The following ZNF605 variants were observed in gnomAD, a reference collection of about 807,000 sequenced individuals.
ZNF605 encodes zinc finger protein 605.
Under a neutral mutation model 7.9 loss-of-function variants are expected in ZNF605, and 9 were observed. The observed-to-expected ratio is 1.14, with a 90% CI of 0.68 to 1.98. ZNF605 has a LOEUF of 1.98. Among genes scored for constraint, ZNF605 ranks in the 30% most tolerant of loss-of-function variants. The pLI is 0.00. For missense variants in ZNF605, 673 were observed against 762.4 expected (o/e 0.88, Z 1.38); for synonymous variants, 255 against 260.1 (o/e 0.98, Z 0.19).
rs1313973135 is a variant in ZNF605, at chr12:132,924,677, C to G, written c.*696G>C. 1 of 152,240 alleles carries G rather than the reference C, an allele frequency of 6.6e-6. No individual in the cohort carries two copies. The highest frequency in any genetic ancestry group is 2.4e-5 in the African/African-American group (1 of 41,452). The allele number at this position is 152,240 out of a possible 1,614,324, so 9.4% of individuals were successfully genotyped here. A position where few individuals can be genotyped will look rare whatever the true frequency, so the allele number is the denominator to read the frequency against. ...GTGCTCACCTCACTCTGTCTGCAGT[C>G]TCCTGAGGATCACAAACCTGTGCTT... On this transcript the variant is annotated 3_prime_UTR_variant, in exon 5 of 5. Transcript: ENST00000360187.
In ZNF605 at chr12:132,920,167, C is replaced by CCT; in HGVS notation, c.*5204_*5205dup. On this transcript the variant is annotated 3_prime_UTR_variant, in exon 5 of 5. Transcript: ENST00000360187. ...ATTTATTTATTTTTTTGAGACAGAG[C>CCT]CTCGCTCTATCACCCAGGCTGGAGT... 7.7e-6 allele frequency: 1 copy of CCT among 130,024 alleles called. No homozygotes were observed. 8.1% of individuals were successfully genotyped at this position (130,024 alleles called of 1,614,324 possible).
Position 132,926,632 on chromosome 12 carries a change from T to G in ZNF605, c.667A>C (p.Lys223Gln). 1 of 1,614,172 alleles carries G rather than the reference T, an allele frequency of 6.2e-7. No individual in the cohort carries two copies. ...TVHQRTHSGE[K>Q]PHGCSECQKA... ...TGACATTCGCTGCACCCATGCGGTT[T>G]TTCTCCTGAGTGAGTTCTTTGATGA... The change falls in exon 5 of 5, where the codon AAA becomes CAA. Residue 223 changes from lysine (K) to glutamine (Q), a missense_variant. Lys to Gln is a moderately conservative substitution (Grantham distance 53, BLOSUM62 1). Coordinates refer to ENST00000360187, the MANE Select transcript of ZNF605 (RefSeq NM_183238.4).
chr12:132,950,448 C>T (rs1215228278), intron 1 of ZNF605, among the ~76,000 whole-genome samples: 1 of 143,520 alleles, frequency 7.0e-6, no homozygotes, highest in Non-Finnish European at 1.5e-5. Context: ...TGCAGACGTG[C>T]ACAGACGCAC....
chr12:132,925,592 A>T lies in ZNF605; in HGVS notation c.1707T>A (p.Ala569=). 6.2e-7 allele frequency: 1 copy of T among 1,614,106 alleles called. No individual in the cohort carries two copies. Among genetic ancestry groups the T allele is most frequent in the Non-Finnish European group, 8.5e-7 (1 of 1,180,028 alleles). The change falls in exon 5 of 5, where the codon GCT becomes GCA. Residue 569 remains alanine, a synonymous_variant. Transcript: ENST00000360187. ...KTYGCSDCAK[A]FFEKAQLIIH... ...TAATCAGCTGTGCCTTCTCAAAGAAAGCTTTTGCACAATCGCTGCATCCAT... is the reference window on the plus strand; with the variant it reads ...TAATCAGCTGTGCCTTCTCAAAGAATGCTTTTGCACAATCGCTGCATCCAT...
chr12:132,954,477 G>A (rs1346213351), intron 1 of ZNF605, among the ~76,000 whole-genome samples: 1 of 138,966 alleles, frequency 7.2e-6, no homozygotes, highest in Non-Finnish European at 1.6e-5. Context: ...GGAGGAGAAG[G>A]GGCTTCTGTC....
rs1952234968 is a variant in ZNF605, at chr12:132,925,245, ACTC to A, written c.*125_*127del. ...TCTAAATTCTGCTTAGTGACTCTTG[ACTC>A]CTCAATTCAAGCTTTTTCAACAGTC... On this transcript the variant is annotated 3_prime_UTR_variant, in exon 5 of 5. Coordinates refer to ENST00000360187, the MANE Select transcript of ZNF605 (RefSeq NM_183238.4). The A allele has an allele frequency of 7.6e-6, 5 of 655,832 alleles. No homozygotes were observed. The highest frequency in any genetic ancestry group is 1.8e-5 in the African/African-American group (1 of 54,374). The allele number at this position is 655,832 out of a possible 1,614,324, so 40.6% of individuals were successfully genotyped here.
chr12:132,932,447 TG>T (rs1952317288), intron 4 of ZNF605, among the ~76,000 whole-genome samples: 2 of 152,050 alleles, frequency 1.3e-5, no homozygotes, highest in South Asian at 4.1e-4. Flanking sequence ...ACTAAGAAAG[TG>T]GGGTTGTAAA....
At chr12:132,931,155 G>A (rs1466591619) in intron 4 of ZNF605, among the ~76,000 whole-genome samples, 1 of 152,186 alleles carries the variant, frequency 6.6e-6, no homozygotes, top group African/African-American at 2.4e-5. Flanking sequence ...ACTCCAACCT[G>A]CGTGACAAAG....
At chr12:132,947,916 G>T (rs1952510901) in intron 2 of ZNF605, among the ~76,000 whole-genome samples, 8 of 152,036 alleles carry the variant, frequency 5.3e-5, no homozygotes, top group Admixed American at 5.2e-4. Context: ...AGGGACTGGG[G>T]TCTGCCTCAG....
At chr12:132,945,882 ATTAT>A (rs1952490221) in intron 2 of ZNF605, 85 bp from the exon 3 acceptor site, 1 of 623,052 alleles carries the variant, frequency 1.6e-6, no homozygotes, top group South Asian at 2.0e-5. Flanking sequence ...GGGAGCTCAG[ATTAT>A]TTAAAGTCTC....
intron 1 of ZNF605, among the ~76,000 whole-genome samples, chr12:132,949,857 C>T (rs1952539114): frequency 4.6e-5 from 7 of 152,170 alleles, no homozygotes. Flanking sequence ...GCGCAGGCTT[C>T]GCCCGTTCGC....
chr12:132,926,861 A>C lies in ZNF605; in HGVS notation c.438T>G (p.Ser146Arg), dbSNP rs1952253265. The C allele has an allele frequency of 1.2e-6, 2 of 1,614,086 alleles. No homozygotes were observed. ...THGGIKYCDC[S>R]TCRKSSNEEP... ...CTTCGTTGCTGGATTTTCTACATGTACTGCAATCACAGTATTTTATCCCAC... is the reference window on the plus strand; with the variant it reads ...CTTCGTTGCTGGATTTTCTACATGTCCTGCAATCACAGTATTTTATCCCAC... The change falls in exon 5 of 5, where the codon AGT becomes AGG. Residue 146 changes from serine to arginine, a missense_variant. Coordinates refer to ENST00000360187, the MANE Select transcript of ZNF605 (RefSeq NM_183238.4).
At chr12:132,952,351 CTGG>C (rs1393253244) in intron 1 of ZNF605, among the ~76,000 whole-genome samples, 1 of 150,102 alleles carries the variant, frequency 6.7e-6, no homozygotes, top group Non-Finnish European at 1.5e-5. Flanking sequence ...ATCCCAGCTA[CTGG>C]GGGCGTTGAG....
chr12:132,952,151 C>T (rs907761524), intron 1 of ZNF605, among the ~76,000 whole-genome samples: 19 of 151,854 alleles, frequency 1.3e-4, no homozygotes, highest in Non-Finnish European at 2.1e-4. Context: ...TGACTGTGAG[C>T]GCTCAGAAGA....
intron 3 of ZNF605, among the ~76,000 whole-genome samples, chr12:132,943,240 TC>T (rs1593596916): frequency 6.6e-6 from 1 of 151,740 alleles, no homozygotes; most frequent in Non-Finnish European, 1.5e-5. Flanking sequence ...CCGCCTGTAG[TC>T]CCAGCTACTC....
intron 3 of ZNF605, among the ~76,000 whole-genome samples, chr12:132,938,369 C>T (rs956048210): frequency 2.0e-5 from 3 of 151,994 alleles, no homozygotes; most frequent in African/African-American, 4.8e-5. Flanking sequence ...GGCACGATCT[C>T]GACTCACTGC....
In ZNF605 at chr12:132,919,014, T is replaced by C. The variant is rs950875443; in HGVS notation, c.*6359A>G. On this transcript the variant is annotated 3_prime_UTR_variant, in exon 5 of 5. Coordinates refer to ENST00000360187, the MANE Select transcript of ZNF605 (RefSeq NM_183238.4). ...GGACACAATGCACATGCCTTGTTCA[T>C]ACCCTCAGAGCTGCCTGGCAAATAC... The C allele has an allele frequency of 2.6e-5, 4 of 152,308 alleles. No homozygotes were observed. The highest frequency in any genetic ancestry group is 9.6e-5 in the African/African-American group (4 of 41,458). 9.4% of individuals were successfully genotyped at this position (152,308 alleles called of 1,614,324 possible).
At position 132,925,508 on chromosome 12, in the gene ZNF605, A is replaced by G; in HGVS notation, c.1791T>C (p.Ser597=). The change falls in exon 5 of 5, where the codon TCT becomes TCC. Residue 597 remains serine, a synonymous_variant. Transcript: ENST00000360187. The part of the protein sequence containing the change: ...RPYKCGECGK[S]FTRKSHLMRH... ...TCATAAGGTGTGACTTTCTTGTGAA[A>G]GATTTCCCACATTCACCACATTTAT... The G allele has an allele frequency of 6.2e-7, 1 of 1,614,146 alleles. No homozygotes were observed. Among genetic ancestry groups the G allele is most frequent in the Non-Finnish European group, 8.5e-7 (1 of 1,180,022 alleles).
chr12:132,951,856 A>C (rs1262958286), intron 1 of ZNF605, among the ~76,000 whole-genome samples: 1 of 151,334 alleles, frequency 6.6e-6, no homozygotes, highest in Non-Finnish European at 1.5e-5. Flanking sequence ...TACATCACAC[A>C]CTATACTCAC....
Sources: allele counts gnomAD v4.1 joint callset (sites outside exome capture counted in the v4.1 genomes callset), GRCh38; gene constraint gnomAD v4.1.1; transcripts MANE v1.5; gene names NCBI Gene and HGNC (gene_info 2026-07-23, HGNC 2026-07-21).